Variants in KRT7 observed in about 807,000 individuals in gnomAD.
The protein encoded by KRT7 is keratin 7.
Under a neutral mutation model 42.8 loss-of-function variants are expected in KRT7, and 50 were observed. That is an observed-to-expected ratio of 1.17 (90% CI 0.93 to 1.48). The LOEUF is 1.48. Ranked by LOEUF, KRT7 falls within the 40% of genes most tolerant of loss-of-function variation. The pLI is 0.00. For missense variants in KRT7, 588 were observed against 637.6 expected (o/e 0.92, Z 0.84); for synonymous variants, 268 against 266.3 (o/e 1.01, Z -0.06).
chr12:52,250,965 G>A (rs1217514188), downstream of KRT7, among the ~76,000 whole-genome samples: 2 of 152,150 alleles, frequency 1.3e-5, no homozygotes, highest in Non-Finnish European at 2.9e-5. Flanking sequence ...TGGCGAGGGT[G>A]GCCAACCTTT....
chr12:52,245,077 T>C (rs535419061), intron 6 of KRT7: 3 of 401,678 alleles, frequency 7.5e-6, no homozygotes, highest in Non-Finnish European at 1.3e-5. Context: ...ATTAAGCACT[T>C]GCTGTGTGCT....
chr12:52,249,722 G>T (rs981127449), downstream of KRT7, among the ~76,000 whole-genome samples: 1 of 152,154 alleles, frequency 6.6e-6, no homozygotes, highest in African/African-American at 2.4e-5. Context: ...GTACTGTGGA[G>T]CCACAGGGAG....
chr12:52,248,261 T>G, intron 8 of KRT7, 50 bp downstream of exon 8: 1 of 1,588,762 alleles, frequency 6.3e-7, no homozygotes, highest in Non-Finnish European at 8.6e-7. Context: ...GCTGTTTAGA[T>G]GGGGCTGGGT....
intron 4 of KRT7, 140 bp downstream of exon 4, chr12:52,238,915 T>G (rs961660218): frequency 3.1e-5 from 19 of 616,744 alleles, no homozygotes; most frequent in Non-Finnish European, 5.0e-5. Context: ...ACCCAAAGAA[T>G]GGACTCAGAG....
At chr12:52,255,665 C>T (rs1215585648), downstream of KRT7, among the ~76,000 whole-genome samples, 1 of 152,162 alleles carries the variant, frequency 6.6e-6, no homozygotes, top group Non-Finnish European at 1.5e-5. Context: ...TTTCGAAGAC[C>T]TCCTCTCTGT....
intron 3 of KRT7, 89 bp downstream of exon 3, chr12:52,237,658 A>G (rs1489833780): frequency 8.9e-7 from 1 of 1,125,686 alleles, no homozygotes; most frequent in Admixed American, 2.1e-5. Flanking sequence ...GCCCATGGGG[A>G]CCTCTGGCCA....
chr12:52,255,780 T>A (rs773759450), downstream of KRT7, among the ~76,000 whole-genome samples: 2 of 152,194 alleles, frequency 1.3e-5, no homozygotes, highest in African/African-American at 2.4e-5. Flanking sequence ...GAGCCCAACA[T>A]AGCACCTACA....
At chr12:52,235,898 G>C (rs1481210926) in intron 2 of KRT7, among the ~76,000 whole-genome samples, 1 of 152,220 alleles carries the variant, frequency 6.6e-6, no homozygotes, top group Non-Finnish European at 1.5e-5. Flanking sequence ...AGCAGAGAGG[G>C]AAAATGGTCA....
rs553362645 is a variant in KRT7, at chr12:52,233,368, G to A, written c.72G>A (p.Val24=). 5 of 1,572,276 alleles carry A rather than the reference G, an allele frequency of 3.2e-6. No individual in the cohort carries two copies. In the African/African-American group the frequency reaches 5.7e-5, roughly 18 times the overall value. ...CCTTCTCGGGCCGCGGCGCCCAGGTGCGCCTGAGCTCCGCTCGCCCCGGCG... is the reference window on the plus strand; with the variant it reads ...CCTTCTCGGGCCGCGGCGCCCAGGTACGCCTGAGCTCCGCTCGCCCCGGCG... The part of the protein sequence containing the change: ...SAAFSGRGAQ[V]RLSSARPGGL... The change falls in exon 1 of 9, where the codon GTG becomes GTA. Residue 24 remains valine (V), a synonymous_variant. Transcript: ENST00000331817.
intron 1 of KRT7, among the ~76,000 whole-genome samples, chr12:52,233,966 A>G (rs1941964790): frequency 6.6e-6 from 1 of 152,188 alleles, no homozygotes; most frequent in South Asian, 2.1e-4. Flanking sequence ...GGCCTAGGCC[A>G]GGAGTTCTCT....
downstream of KRT7, chr12:52,250,721 A>G (rs1477804144): frequency 4.2e-6 from 2 of 472,850 alleles, no homozygotes; most frequent in Non-Finnish European, 8.0e-6. Context: ...CTCTGTTTCT[A>G]TGCGCGCCCC....
At chr12:52,253,244 A>G (rs772420711), downstream of KRT7, 8 of 1,610,432 alleles carry the variant, frequency 5.0e-6, no homozygotes, top group Admixed American at 3.3e-5. Context: ...CTCGGCTGTC[A>G]GCCTCTGGAT....
In KRT7 at chr12:52,248,681, C is replaced by A; in HGVS notation, c.1331C>A (p.Ser444Tyr). 1 of 1,613,470 alleles carries A rather than the reference C, an allele frequency of 6.2e-7. No homozygotes were observed. Among genetic ancestry groups the A allele is most frequent in the Non-Finnish European group, 8.5e-7 (1 of 1,179,704 alleles). ...ATGGGCAGCAATGCCCTGAGCTTCT[C>A]CAGCAGTGCGGGTCCTGGGCTCCTG... is the stretch of plus-strand genomic sequence containing the variant. ...GTMGSNALSF[S>Y]SSAGPGLLKA... Residue 444 changes from serine (S) to tyrosine (Y), a missense_variant, in exon 9 of 9, where the codon TCC becomes TAC. Physicochemically the swap from Ser to Tyr is moderately radical, Grantham distance 144 (BLOSUM62 -2). Transcript: ENST00000331817.
Position 52,233,335 on chromosome 12 carries a change from C to A in KRT7, c.39C>A (p.Arg13=). ...TCAGCTCCCCGGTATTCACCTCGCG[C>A]TCAGCCGCCTTCTCGGGCCGCGGCG... is the stretch of plus-strand genomic sequence containing the variant. ...IHFSSPVFTS[R]SAAFSGRGAQ... Residue 13 remains arginine (R), a synonymous_variant, in exon 1 of 9, where the codon CGC becomes CGA. Coordinates refer to ENST00000331817, the MANE Select transcript of KRT7 (RefSeq NM_005556.4). The A allele has an allele frequency of 6.4e-7, 1 of 1,571,052 alleles. No homozygotes were observed. The highest frequency in any genetic ancestry group is 1.2e-5 in the South Asian group (1 of 86,288).
At chr12:52,253,768 G>T (rs780233792), downstream of KRT7, 1 of 851,854 alleles carries the variant, frequency 1.2e-6, no homozygotes, top group South Asian at 1.3e-5. Context: ...CGGATCTCCT[G>T]CAGGAGATGG....
downstream of KRT7, chr12:52,251,987 C>T (rs1178236890): frequency 4.7e-6 from 3 of 641,264 alleles, no homozygotes; most frequent in Non-Finnish European, 8.6e-6. Flanking sequence ...GCCCAGAACC[C>T]CAAGCTGTTA....
Position 52,238,768 on chromosome 12 carries a change from A to G in KRT7, c.686A>G (p.Asn229Ser), listed in dbSNP as rs200027202. ...GAGATCAACTTCCTCAGGACCCTCA[A>G]TGAGACGGTGAGGACCATGGAGCTG... is the stretch of plus-strand genomic sequence containing the variant. ...NDEINFLRTL[N>S]ETELTELQSQ... The change falls in exon 4 of 9, where the codon AAT becomes AGT. Residue 229 changes from asparagine (N) to serine (S), a missense_variant. Physicochemically the swap from Asn to Ser is conservative, Grantham distance 46. Transcript: ENST00000331817. 86 of 1,599,140 alleles carry G rather than the reference A, an allele frequency of 5.4e-5. No individual in the cohort carries two copies. The highest frequency in any genetic ancestry group is 6.9e-5 in the Non-Finnish European group (81 of 1,166,264).
At chr12:52,245,036 G>A (rs1263805106) in intron 6 of KRT7, 4 of 251,214 alleles carry the variant, frequency 1.6e-5, no homozygotes, top group Non-Finnish European at 3.0e-5. Flanking sequence ...AATCATAATA[G>A]CATTCATTAA....
downstream of KRT7, chr12:52,253,677 A>G: frequency 6.8e-7 from 1 of 1,467,136 alleles, no homozygotes; most frequent in Non-Finnish European, 9.3e-7. Context: ...GATCTCAGTG[A>G]TGACACAGTG....
Sources: gnomAD v4.1 joint callset for allele counts (sites outside exome capture counted in the v4.1 genomes callset) on GRCh38, gnomAD v4.1.1 for gene constraint, MANE v1.5 for transcripts, NCBI Gene and HGNC (gene_info 2026-07-23, HGNC 2026-07-21) for gene names.